The following FREM2 variants were observed in gnomAD, a reference collection of about 807,000 sequenced individuals.
FREM2 encodes the protein FRAS1 related extracellular matrix 2.
In FREM2, 119 loss-of-function variants were observed where a neutral mutation model predicts 219.9. That is an observed-to-expected ratio of 0.54 (90% CI 0.47 to 0.63). The LOEUF is 0.63. Ranked by LOEUF, FREM2 falls within the 30% of genes least tolerant of loss-of-function variation. The pLI is 0.00. For missense variants in FREM2, 4,030 were observed against 3,993.6 expected, an observed-to-expected ratio of 1.01 and a Z score of -0.25; for synonymous variants, 1,562 against 1,522.8, an observed-to-expected ratio of 1.03 and a Z score of -0.60.
chr13:38,765,713 CT>C lies in FREM2; in HGVS notation c.5410+1272del, dbSNP rs540662629. On this transcript the variant is annotated intron_variant, in intron 3 of 23. Coordinates refer to ENST00000280481, the MANE Select transcript of FREM2 (RefSeq NM_207361.6). ...TTAATTACCCCTTACTTTTAAAATT[CT>C]TTTTTTTTCCTTTTAACTTTAGAAG... Among the ~76,000 whole-genome samples the C allele has an allele frequency of 2.3e-3, 348 of 151,206 alleles. 2 individuals carry two copies. The highest frequency in any genetic ancestry group is 7.8e-3 in the African/African-American group (322 of 41,206).
At position 38,822,778 on chromosome 13, in the gene FREM2, C is replaced by T. The variant is rs1290699861; in HGVS notation, c.6020-23795C>T. Reference sequence around the variant, plus strand: ...TCAGTATACTGAGAGGACAAATCAACGCTTTGCAGTAGAAGATGTTAGGTT... The same window carrying T: ...TCAGTATACTGAGAGGACAAATCAATGCTTTGCAGTAGAAGATGTTAGGTT... On this transcript the variant is annotated intron_variant, in intron 6 of 23. Transcript: ENST00000280481. 5.9e-5 allele frequency among the ~76,000 whole-genome samples: 9 copies of T among 152,040 alleles called. No homozygotes were observed. In the South Asian group the frequency reaches 1.4e-3, roughly 24 times the overall value.
chr13:38,721,377 C>A (rs1426240203), intron 2 of FREM2, among the ~76,000 whole-genome samples: 1 of 152,072 alleles, frequency 6.6e-6, no homozygotes, highest in Non-Finnish European at 1.5e-5. Flanking sequence ...CCATGTAAAA[C>A]AAAGAGGCAG....
At chr13:38,796,638 A>C (rs2137845001) in intron 6 of FREM2, among the ~76,000 whole-genome samples, 1 of 152,246 alleles carries the variant, frequency 6.6e-6, no homozygotes, top group African/African-American at 2.4e-5. Flanking sequence ...TGAATTCATA[A>C]GTATACATGA....
At chr13:38,711,098 G>GTCC (rs1870752150) in intron 2 of FREM2, among the ~76,000 whole-genome samples, 1 of 152,084 alleles carries the variant, frequency 6.6e-6, no homozygotes, top group Non-Finnish European at 1.5e-5. Context: ...GTACCTTCTT[G>GTCC]ATTTATGTTC....
intron 6 of FREM2, among the ~76,000 whole-genome samples, chr13:38,787,135 C>T (rs1229591624): frequency 6.6e-6 from 1 of 151,992 alleles, no homozygotes; most frequent in East Asian, 1.9e-4. Context: ...AATTATTTAC[C>T]CCAGAACACA....
intron 10 of FREM2, 88 bp downstream of exon 10, chr13:38,851,196 C>A: frequency 3.9e-6 from 5 of 1,287,130 alleles, no homozygotes; most frequent in Non-Finnish European, 5.5e-6. Flanking sequence ...GAAAAATGCC[C>A]CCACCTCCTC....
chr13:38,731,540 G>A (rs1025286988), intron 2 of FREM2, among the ~76,000 whole-genome samples: 1 of 152,114 alleles, frequency 6.6e-6, no homozygotes, highest in Non-Finnish European at 1.5e-5. Context: ...AACCACGCCG[G>A]ACATGAAAAC....
intron 2 of FREM2, among the ~76,000 whole-genome samples, chr13:38,729,358 T>C (rs116072456): frequency 0.01 from 1,582 of 152,288 alleles, 22 homozygotes; most frequent in African/African-American, 0.036. Context: ...TAAGAACTTA[T>C]GTTATTCTTG....
chr13:38,882,116 G>A lies in FREM2; in HGVS notation c.*1329G>A, dbSNP rs1037991284. ...CACCTCCCAAAGCCAAGGAACTTGA[G>A]TGAGCTTCCTTGGCAAGCCTCCCAT... On this transcript the variant is annotated 3_prime_UTR_variant, in exon 24 of 24. Coordinates refer to ENST00000280481, the MANE Select transcript of FREM2 (RefSeq NM_207361.6). 2.0e-5 allele frequency: 3 copies of A among 152,182 alleles called. No individual in the cohort carries two copies. The highest frequency in any genetic ancestry group is 7.2e-5 in the African/African-American group (3 of 41,434). The allele number at this position is 152,182 out of a possible 1,614,324, so 9.4% of individuals were successfully genotyped here.
chr13:38,723,369 C>T (rs535156504), intron 2 of FREM2, among the ~76,000 whole-genome samples: 4 of 152,124 alleles, frequency 2.6e-5, no homozygotes, highest in South Asian at 2.1e-4. Flanking sequence ...TAAATATGAT[C>T]AGATTAATTT....
At chr13:38,805,542 A>C (rs1875192757) in intron 6 of FREM2, among the ~76,000 whole-genome samples, 1 of 151,954 alleles carries the variant, frequency 6.6e-6, no homozygotes, top group African/African-American at 2.4e-5. Flanking sequence ...AGAACTAACT[A>C]AGCTGAAGTT....
chr13:38,753,765 G>A (rs1872871460), intron 2 of FREM2, among the ~76,000 whole-genome samples: 1 of 152,008 alleles, frequency 6.6e-6, no homozygotes, highest in Non-Finnish European at 1.5e-5. Context: ...CTTATCCTAG[G>A]CATGCATACC....
At chr13:38,836,536 T>C (rs1043528102) in intron 6 of FREM2, among the ~76,000 whole-genome samples, 1 of 152,218 alleles carries the variant, frequency 6.6e-6, no homozygotes, top group Admixed American at 6.5e-5. Flanking sequence ...CTCCTCTTTG[T>C]ACCTCTGGTA....
Position 38,688,463 on chromosome 13 carries a change from C to T in FREM2, c.1119C>T (p.Thr373=), listed in dbSNP as rs558517957. Residue 373 remains threonine (T), a synonymous_variant, in exon 1 of 24, where the codon ACC becomes ACT. Coordinates refer to ENST00000280481, the MANE Select transcript of FREM2 (RefSeq NM_207361.6). The part of the protein sequence containing the change: ...FQPGQGYLVS[T]DDRSLPLSSF... ...CTGGCCAGGGCTACTTGGTGAGCAC[C>T]GATGATCGCAGCCTGCCCCTTTCCT... The T allele has an allele frequency of 7.4e-6, 12 of 1,613,952 alleles. No homozygotes were observed. Among genetic ancestry groups the T allele is most frequent in the Non-Finnish European group, 1.0e-5 (12 of 1,180,028 alleles).
intron 2 of FREM2, among the ~76,000 whole-genome samples, chr13:38,718,546 G>T (rs1485001668): frequency 6.6e-6 from 1 of 152,130 alleles, no homozygotes; most frequent in Non-Finnish European, 1.5e-5. Flanking sequence ...GCATCTACTA[G>T]CTCAGAAGTC....
chr13:38,849,273 A>G (rs1877281957), intron 8 of FREM2, among the ~76,000 whole-genome samples: 1 of 152,178 alleles, frequency 6.6e-6, no homozygotes. Flanking sequence ...CTTAAAGAAA[A>G]AAAATGTGAT....
intron 1 of FREM2, among the ~76,000 whole-genome samples, chr13:38,696,296 G>A (rs1442794044): frequency 6.6e-6 from 1 of 152,128 alleles, no homozygotes; most frequent in Non-Finnish European, 1.5e-5. Context: ...AACTTTATGA[G>A]CCAGGGTAGA....
At chr13:38,720,813 C>T (rs184462809) in intron 2 of FREM2, among the ~76,000 whole-genome samples, 10 of 152,278 alleles carry the variant, frequency 6.6e-5, no homozygotes, top group Admixed American at 3.9e-4. Flanking sequence ...GTCCTCTCAA[C>T]CTCACTGGTG....
intron 6 of FREM2, among the ~76,000 whole-genome samples, chr13:38,807,595 A>G (rs988394031): frequency 1.3e-5 from 2 of 151,936 alleles, no homozygotes; most frequent in African/African-American, 4.8e-5. Flanking sequence ...TTTAAAAACA[A>G]CATTAATATT....
Sources: allele counts gnomAD v4.1 joint callset (sites outside exome capture counted in the v4.1 genomes callset), GRCh38; gene constraint gnomAD v4.1.1; transcripts MANE v1.5; gene names NCBI Gene and HGNC (gene_info 2026-07-23, HGNC 2026-07-21).